Variants in SWI5 observed in about 807,000 individuals in gnomAD.
SWI5 encodes the protein SWI5 homologous recombination repair protein, also known as DNA repair protein SWI5 homolog.
A neutral mutation model predicts 17.0 loss-of-function variants in SWI5; 12 were observed. The ratio of observed to expected loss-of-function variants is 0.71; its 90% CI spans 0.45 to 1.14. The LOEUF is 1.14. Ranked by LOEUF, SWI5 falls within the 50% of genes most tolerant of loss-of-function variation. The pLI is 0.00. For synonymous variants in SWI5, 61 were observed against 64.0 expected, an observed-to-expected ratio of 0.95 and a Z score of 0.22; for missense variants, 158 against 162.2, an observed-to-expected ratio of 0.97 and a Z score of 0.14.
At chr9:128,286,231 A>C in intron 4 of SWI5, 198 bp downstream of exon 4, 1 of 547,080 alleles carries the variant, frequency 1.8e-6, no homozygotes, top group South Asian at 2.4e-5. Flanking sequence ...CCTCAAGTAC[A>C]GAACCTGCTT....
At chr9:128,282,086 A>G (rs1156280944) in intron 2 of SWI5, among the ~76,000 whole-genome samples, 1 of 152,176 alleles carries the variant, frequency 6.6e-6, no homozygotes, top group African/African-American at 2.4e-5. Flanking sequence ...CCATCTTAAA[A>G]GAAAAATTAA....
upstream of SWI5, chr9:128,275,868 G>C (rs984977104): frequency 5.2e-6 from 7 of 1,343,098 alleles, no homozygotes; most frequent in African/African-American, 7.3e-5. Flanking sequence ...GCTGGGTCGG[G>C]GGGCCGCGAC....
upstream of SWI5, chr9:128,275,561 G>A (rs1034627573): frequency 9.2e-6 from 11 of 1,200,280 alleles, no homozygotes; most frequent in Admixed American, 3.8e-5. Context: ...GGCGAGGGCA[G>A]GGGCTGAATT....
At chr9:128,278,595 T>C (rs56203622) in intron 2 of SWI5, 96,077 of 461,372 alleles carry the variant, frequency 0.21, 12,292 homozygotes, top group African/African-American at 0.47. Context: ...CTATTGAGCA[T>C]TGTCCCATCA....
intron 2 of SWI5, among the ~76,000 whole-genome samples, chr9:128,282,372 G>A (rs900913223): frequency 2.0e-5 from 3 of 151,982 alleles, no homozygotes; most frequent in East Asian, 3.9e-4. Flanking sequence ...GGGCGACAAC[G>A]CGAGAACTGT....
chr9:128,284,047 C>T (rs1766436061), intron 2 of SWI5, among the ~76,000 whole-genome samples: 2 of 151,842 alleles, frequency 1.3e-5, no homozygotes, highest in South Asian at 4.2e-4. Flanking sequence ...CCTGTAATCC[C>T]AGCACTTTGG....
chr9:128,283,080 C>T (rs1258412678), intron 2 of SWI5, among the ~76,000 whole-genome samples: 2 of 151,370 alleles, frequency 1.3e-5, no homozygotes, highest in Non-Finnish European at 2.9e-5. Context: ...TTTGGGAGGC[C>T]GAGGTGGGTG....
Position 128,281,008 on chromosome 9 carries a change from T to A in SWI5, c.112-3502T>A, listed in dbSNP as rs149316546. On this transcript the variant is annotated intron_variant, in intron 2 of 4. Coordinates refer to ENST00000418976, the Ensembl canonical transcript of SWI5. ...TGACCAGGAAAAAAAGGCTACGTGTTCAATACAGATTCAACCATGCTTTTT... is the reference window on the plus strand; with the variant it reads ...TGACCAGGAAAAAAAGGCTACGTGTACAATACAGATTCAACCATGCTTTTT... 2.9e-3 allele frequency among the ~76,000 whole-genome samples: 434 copies of A among 148,718 alleles called. 3 individuals carry two copies. The highest frequency in any genetic ancestry group is 9.6e-3 in the African/African-American group (384 of 39,980).
At chr9:128,288,515 A>G (rs1831683789) in intron 4 of SWI5, 137 bp from the exon 5 acceptor site, 2 of 875,192 alleles carry the variant, frequency 2.3e-6, no homozygotes, top group African/African-American at 3.3e-5. Context: ...CAGTTAGGCA[A>G]GGCACAAGTG....
chr9:128,283,723 T>C (rs1831582900), intron 2 of SWI5, among the ~76,000 whole-genome samples: 1 of 152,198 alleles, frequency 6.6e-6, no homozygotes, highest in Non-Finnish European at 1.5e-5. Flanking sequence ...GTATGACTTG[T>C]ACCTTATCAT....
chr9:128,276,687 C>A lies in SWI5; in HGVS notation c.63-20C>A. 6.2e-7 allele frequency: 1 copy of A among 1,614,044 alleles called. No individual in the cohort carries two copies. Among genetic ancestry groups the A allele is most frequent in the Non-Finnish European group, 8.5e-7 (1 of 1,179,980 alleles). ...CGGGCTGTGGGTCCAATCAGACTTT[C>A]CCCTCGGATTCCTCTCTAGGACTGA... On this transcript the variant is annotated intron_variant, in intron 1 of 4. Transcript: ENST00000418976.
intron 4 of SWI5, among the ~76,000 whole-genome samples, chr9:128,287,297 T>A (rs1466674370): frequency 1.3e-5 from 2 of 150,664 alleles, no homozygotes; most frequent in Non-Finnish European, 3.0e-5. Flanking sequence ...ATACAAAAAT[T>A]AGCTAGGTGT....
upstream of SWI5, chr9:128,276,094 A>C: frequency 6.4e-7 from 1 of 1,570,030 alleles, no homozygotes. Context: ...GTGGCCTCAA[A>C]GATCAAAGCC....
At chr9:128,277,479 G>A (rs751575252) in intron 2 of SWI5, among the ~76,000 whole-genome samples, 10 of 152,140 alleles carry the variant, frequency 6.6e-5, no homozygotes, top group East Asian at 1.9e-4. Context: ...GCTTGAACCC[G>A]GAAGGTGGAG....
intron 2 of SWI5, among the ~76,000 whole-genome samples, chr9:128,280,987 C>T (rs900495294): frequency 6.8e-6 from 1 of 147,760 alleles, no homozygotes; most frequent in African/African-American, 2.5e-5. Context: ...GAGTAATGAC[C>T]AGGAAAAAAA....
exon 5 of SWI5, chr9:128,288,712 A>T (rs372291877): frequency 6.2e-7 from 1 of 1,614,050 alleles, no homozygotes. Context: ...GACATGAATG[A>T]CTGAGCAGGC....
chr9:128,277,077 A>C (rs1332965591), intron 2 of SWI5, among the ~76,000 whole-genome samples: 3 of 151,996 alleles, frequency 2.0e-5, no homozygotes, highest in Non-Finnish European at 4.4e-5. Flanking sequence ...CCCCTCACCC[A>C]GCCCTGCCTT....
At chr9:128,276,155 C>T (rs371883568), upstream of SWI5, 17 of 1,568,338 alleles carry the variant, frequency 1.1e-5, no homozygotes, top group African/African-American at 9.6e-5. Flanking sequence ...TATGCAGCGG[C>T]GTGGCCAGAG....
chr9:128,283,443 G>T (rs1171083948), intron 2 of SWI5, among the ~76,000 whole-genome samples: 6 of 152,188 alleles, frequency 3.9e-5, no homozygotes, highest in Non-Finnish European at 7.3e-5. Context: ...GTTGCAGTGA[G>T]CCAGAATCAT....
Sources: gnomAD v4.1 joint callset for allele counts (sites outside exome capture counted in the v4.1 genomes callset) on GRCh38, gnomAD v4.1.1 for gene constraint, MANE v1.5 for transcripts, NCBI Gene and HGNC (gene_info 2026-07-23, HGNC 2026-07-21) for gene names.